The following DCDC2 variants were observed in gnomAD, a reference collection of about 807,000 sequenced individuals.
DCDC2 encodes doublecortin domain-containing protein 2.
In DCDC2, 40 loss-of-function variants were observed where a neutral mutation model predicts 50.2. The ratio of observed to expected loss-of-function variants is 0.80; its 90% CI spans 0.62 to 1.04. DCDC2 has a LOEUF of 1.04. Among genes scored for constraint, DCDC2 ranks in the 50% least tolerant of loss-of-function variants. The probability of loss-of-function intolerance (pLI) is 0.00; values close to 1 mark genes in which losing one functional copy is unlikely to be tolerated. For synonymous variants in DCDC2, 234 were observed against 210.6 expected (o/e 1.11, Z -0.96); for missense variants, 570 against 581.9 (o/e 0.98, Z 0.21).
At chr6:24,282,621 T>C (rs1763502540) in intron 6 of DCDC2, among the ~76,000 whole-genome samples, 1 of 152,096 alleles carries the variant, frequency 6.6e-6, no homozygotes, top group Non-Finnish European at 1.5e-5. Flanking sequence ...TTCATTAGCA[T>C]AAAAACTCAT....
At chr6:24,291,942 G>C (rs2113831367) in intron 4 of DCDC2, among the ~76,000 whole-genome samples, 1 of 152,232 alleles carries the variant, frequency 6.6e-6, no homozygotes, top group East Asian at 1.9e-4. Context: ...GGAGGTAAAA[G>C]AACCCATTGC....
intron 6 of DCDC2, among the ~76,000 whole-genome samples, chr6:24,279,392 T>C (rs969145262): frequency 2.0e-5 from 3 of 151,844 alleles, no homozygotes; most frequent in Non-Finnish European, 4.4e-5. Context: ...CTAAGCAACA[T>C]AGCAGGACCC....
At chr6:24,183,788 T>A (rs1343131666) in intron 8 of DCDC2, among the ~76,000 whole-genome samples, 1 of 151,726 alleles carries the variant, frequency 6.6e-6, no homozygotes, top group East Asian at 1.9e-4. Context: ...CAGAGCACAA[T>A]AGGCAGGAAA....
intron 7 of DCDC2, among the ~76,000 whole-genome samples, chr6:24,264,828 A>G (rs534828998): frequency 2.1e-3 from 316 of 151,990 alleles, no homozygotes; most frequent in African/African-American, 7.3e-3. Context: ...GAGTGGCCGA[A>G]TGGATTAAAA....
In DCDC2 at chr6:24,204,949, G is replaced by GA. The variant is rs3834726; in HGVS notation, c.1023+52dup. The GA allele has an allele frequency of 1.3e-3, 1,938 of 1,530,700 alleles. 16 individuals are homozygous for GA. The East Asian group carries it at 0.023, about 18-fold the overall frequency. 94.8% of individuals were successfully genotyped at this position (1,530,700 alleles called of 1,614,324 possible). On this transcript the variant is annotated intron_variant, in intron 8 of 9. Coordinates refer to ENST00000378454, the MANE Select transcript of DCDC2 (RefSeq NM_016356.5). ...TTTGTAGGAGATAACACAAAACTTGGAAAAAAAACACTATAATTGTCTTAC... is the reference window on the plus strand; with the variant it reads ...TTTGTAGGAGATAACACAAAACTTGGAAAAAAAAACACTATAATTGTCTTAC...
At chr6:24,265,332 C>T (rs141405044) in intron 7 of DCDC2, among the ~76,000 whole-genome samples, 92 of 152,270 alleles carry the variant, frequency 6.0e-4, no homozygotes, top group African/African-American at 2.1e-3. Flanking sequence ...AAGACTTCAA[C>T]ACCCCCACTT....
intron 7 of DCDC2, among the ~76,000 whole-genome samples, chr6:24,267,085 T>C (rs961163583): frequency 6.6e-6 from 1 of 152,176 alleles, no homozygotes; most frequent in East Asian, 1.9e-4. Context: ...TCTCATTCAT[T>C]TGTGGAAGCT....
At chr6:24,282,970 A>G (rs1314771482) in intron 6 of DCDC2, among the ~76,000 whole-genome samples, 1 of 151,962 alleles carries the variant, frequency 6.6e-6, no homozygotes, top group African/African-American at 2.4e-5. Context: ...TTGAATAATA[A>G]CGAAATTTTT....
chr6:24,248,279 T>C (rs560158973), intron 7 of DCDC2, among the ~76,000 whole-genome samples: 1 of 152,238 alleles, frequency 6.6e-6, no homozygotes, highest in African/African-American at 2.4e-5. Context: ...TACGGTGCAG[T>C]GCGGGGGAGC....
intron 7 of DCDC2, among the ~76,000 whole-genome samples, chr6:24,237,660 G>A (rs1365583096): frequency 2.6e-5 from 4 of 152,146 alleles, no homozygotes; most frequent in Non-Finnish European, 4.4e-5. Context: ...CAAAGACATG[G>A]AATCAACCTA....
chr6:24,228,414 GT>G (rs566297288), intron 7 of DCDC2, among the ~76,000 whole-genome samples: 30 of 152,308 alleles, frequency 2.0e-4, no homozygotes, highest in Admixed American at 7.2e-4. Flanking sequence ...AATGGCCTGG[GT>G]CGAAGTGAAT....
chr6:24,186,794 T>A (rs1761212420), intron 8 of DCDC2, among the ~76,000 whole-genome samples: 1 of 152,210 alleles, frequency 6.6e-6, no homozygotes, highest in Non-Finnish European at 1.5e-5. Flanking sequence ...TTTTGGGGGC[T>A]GAACTGTACC....
Position 24,357,551 on chromosome 6 carries a change from G to T in DCDC2, c.200C>A (p.Thr67Asn), listed in dbSNP as rs372751993. 2 of 1,613,586 alleles carry T rather than the reference G, an allele frequency of 1.2e-6. No individual in the cohort carries two copies. The part of the protein sequence containing the change: ...APFGAVRNIY[T>N]PRTGHRIRKL... ...CCGGATTCGGTGGCCAGTCCGCGGG[G>T]TGTAGATGTTCCTGACGGCCCCAAA... The change falls in exon 1 of 10, where the codon ACC becomes AAC. Residue 67 changes from threonine to asparagine, a missense_variant. By Grantham distance (65) the Thr-to-Asn change is moderately conservative (BLOSUM62 0). Transcript: ENST00000378454.
upstream of DCDC2, among the ~76,000 whole-genome samples, chr6:24,359,013 A>ATATATTT (rs1395376708): frequency 9.1e-5 from 2 of 21,964 alleles, no homozygotes; most frequent in African/African-American, 3.5e-4. Context: ...TTTATATATT[A>ATATATTT]TATATTTTAT....
intron 7 of DCDC2, among the ~76,000 whole-genome samples, chr6:24,270,405 T>A (rs558945451): frequency 8.5e-5 from 13 of 152,224 alleles, no homozygotes; most frequent in Non-Finnish European, 1.0e-4. Flanking sequence ...CATTACTCAA[T>A]GCTTACAGTT....
At chr6:24,267,708 G>GA (rs1179203090) in intron 7 of DCDC2, among the ~76,000 whole-genome samples, 2 of 152,170 alleles carry the variant, frequency 1.3e-5, no homozygotes, top group African/African-American at 4.8e-5. Flanking sequence ...GAAAATGCAA[G>GA]ATAACATCTG....
the DCDC2 span, among the ~76,000 whole-genome samples, chr6:24,382,009 A>AAGGAAGGCAGGCAGGC: frequency 5.3e-4 from 62 of 116,500 alleles, 1 homozygote; most frequent in South Asian, 6.5e-3. Context: ...GGAAGGAAGG[A>AAGGAAGGCAGGCAGGC]AGGCAGGCAA....
At chr6:24,266,398 A>G (rs1307582242) in intron 7 of DCDC2, among the ~76,000 whole-genome samples, 3 of 152,178 alleles carry the variant, frequency 2.0e-5, no homozygotes, top group Non-Finnish European at 2.9e-5. Context: ...GAATAGAAGA[A>G]AATATTTGCA....
chr6:24,234,406 G>A (rs1047006599), intron 7 of DCDC2, among the ~76,000 whole-genome samples: 3 of 152,126 alleles, frequency 2.0e-5, no homozygotes, highest in Admixed American at 1.3e-4. Context: ...AGCCAATGGC[G>A]GGTTTGCAGC....
Sources: gnomAD v4.1 joint callset for allele counts (sites outside exome capture counted in the v4.1 genomes callset) on GRCh38, gnomAD v4.1.1 for gene constraint, MANE v1.5 for transcripts, NCBI Gene and HGNC (gene_info 2026-07-23, HGNC 2026-07-21) for gene names.